COG6: variants seen among roughly 807,000 people sequenced by gnomAD.
COG6 encodes component of oligomeric golgi complex 6.
COG6 carries 74 observed loss-of-function variants against 88.8 expected under a neutral mutation model. The ratio of observed to expected loss-of-function variants is 0.83; its 90% CI spans 0.69 to 1.01. The LOEUF (loss-of-function observed/expected upper bound fraction) is 1.01. Among genes scored for constraint, COG6 ranks in the 50% least tolerant of loss-of-function variants. The probability of loss-of-function intolerance (pLI) is 0.00; values close to 1 mark genes in which losing one functional copy is unlikely to be tolerated. For missense variants in COG6, 800 were observed against 797.9 expected (o/e 1.00, Z -0.03); for synonymous variants, 286 against 278.7 (o/e 1.03, Z -0.26).
At chr13:39,679,845 A>T (rs765173704) in intron 6 of COG6, 130 bp from the exon 7 acceptor site, 1 of 687,314 alleles carries the variant, frequency 1.5e-6, no homozygotes, top group Non-Finnish European at 2.6e-6. Context: ...GTAGAAAATT[A>T]TTGAAAAATC....
At chr13:39,715,207 T>TA (rs1360941152) in intron 13 of COG6, among the ~76,000 whole-genome samples, 1 of 151,386 alleles carries the variant, frequency 6.6e-6, no homozygotes, top group Non-Finnish European at 1.5e-5. Context: ...TGTTAAAATT[T>TA]AAAAAAAAAT....
At chr13:39,678,213 A>G (rs917354098) in intron 5 of COG6, 14 of 336,850 alleles carry the variant, frequency 4.2e-5, no homozygotes. Context: ...GTATCCAGGC[A>G]TGCACCACCA....
rs576127849 is a variant in COG6, at chr13:39,668,335, G to A, written c.428+3181G>A. Among the ~76,000 whole-genome samples the A allele has an allele frequency of 8.5e-5, 13 of 152,112 alleles. No individual in the cohort carries two copies. In the East Asian group the frequency reaches 2.5e-3, roughly 29 times the overall value. ...CAGAGACTATAATTTGAAACACCTG[G>A]CCTTAGACAAAATATTACTTATATT... On this transcript the variant is annotated intron_variant, in intron 4 of 18. Transcript: ENST00000455146.
chr13:39,737,927 G>A (rs151026193), intron 18 of COG6, among the ~76,000 whole-genome samples: 4 of 152,208 alleles, frequency 2.6e-5, no homozygotes, highest in Non-Finnish European at 5.9e-5. Context: ...TTTCTGCTGT[G>A]ACAGGGCAGC....
intron 18 of COG6, among the ~76,000 whole-genome samples, chr13:39,771,144 A>C (rs982491690): frequency 6.6e-6 from 1 of 152,146 alleles, no homozygotes; most frequent in Non-Finnish European, 1.5e-5. Flanking sequence ...AAAGCCTGCC[A>C]CTGCTTAGGG....
In COG6 at chr13:39,752,148, A is replaced by C. The variant is rs1232146520; in HGVS notation, c.*1055A>C. On this transcript the variant is annotated 3_prime_UTR_variant, in exon 19 of 19. Transcript: ENST00000455146. Reference sequence around the variant, plus strand: ...TGCCTGATTTGACATTCTTGTCAGCAAAAAAAAACTTAATTTCTAGTAAAT... The same window carrying C: ...TGCCTGATTTGACATTCTTGTCAGCCAAAAAAAACTTAATTTCTAGTAAAT... The C allele has an allele frequency of 2.4e-6, 1 of 414,910 alleles. No individual in the cohort carries two copies. The highest frequency in any genetic ancestry group is 2.9e-6 in the Non-Finnish European group (1 of 340,716). 25.7% of individuals were successfully genotyped at this position (414,910 alleles called of 1,614,324 possible).
rs748334706 is a variant in COG6 at position 39,689,827 on chromosome 13, A to G, written c.1074+3A>G. 8.7e-6 allele frequency: 14 copies of G among 1,605,162 alleles called. No homozygotes were observed. The South Asian group carries it at 1.3e-4, about 15-fold the overall frequency. ...AAGGTGTGTGCAGGCCTCTAAAGGT[A>G]AAATATTTTGTTTTTACATATGCTA... On this transcript the variant is annotated splice_donor_region_variant and intron_variant, in intron 11 of 18. Transcript: ENST00000455146.
intron 18 of COG6, among the ~76,000 whole-genome samples, chr13:39,762,682 C>T (rs984315752): frequency 4.0e-5 from 6 of 150,560 alleles, no homozygotes; most frequent in African/African-American, 4.9e-5. Flanking sequence ...TATAATAGAT[C>T]GAGGCACCTT....
chr13:39,746,124 C>G (rs1000787610), intron 18 of COG6, among the ~76,000 whole-genome samples: 1 of 151,790 alleles, frequency 6.6e-6, no homozygotes, highest in Non-Finnish European at 1.5e-5. Context: ...GGAGAAATAC[C>G]TAATGTAAAT....
Position 39,724,453 on chromosome 13 carries a change from G to A in COG6, c.1693-55G>A. 6 of 1,322,720 alleles carry A rather than the reference G, an allele frequency of 4.5e-6. No individual in the cohort carries two copies. In the South Asian group the frequency reaches 5.0e-5, roughly 11 times the overall value. The allele number at this position is 1,322,720 out of a possible 1,614,324, so 81.9% of individuals were successfully genotyped here. A position where few individuals can be genotyped will look rare whatever the true frequency, so the allele number is the denominator to read the frequency against. ...CTATATTCAGTAAGTGAAATGAAAT[G>A]TATATCTCCTTTTTTACATCTTGGA... On this transcript the variant is annotated intron_variant, in intron 16 of 18. Coordinates refer to ENST00000455146, the MANE Select transcript of COG6 (RefSeq NM_020751.3).
chr13:39,788,592 A>T, exon 19 of COG6: 1 of 534,766 alleles, frequency 1.9e-6, no homozygotes, highest in Non-Finnish European at 3.3e-6. Flanking sequence ...GCACACACAC[A>T]GCATGTAGAG....
At chr13:39,790,936 G>A (rs940907430) in exon 19 of COG6, 10 of 151,890 alleles carry the variant, frequency 6.6e-5, no homozygotes, top group African/African-American at 2.2e-4. Context: ...ATTCTCTTGA[G>A]TTTTTCAGGT....
chr13:39,753,747 AC>A (rs756994278), downstream of COG6, among the ~76,000 whole-genome samples: 2 of 152,108 alleles, frequency 1.3e-5, no homozygotes, highest in Non-Finnish European at 2.9e-5. Context: ...TGCTTCAGCA[AC>A]AACTGGCCTC....
At chr13:39,718,037 C>T (rs1035335850) in intron 13 of COG6, among the ~76,000 whole-genome samples, 1 of 152,076 alleles carries the variant, frequency 6.6e-6, no homozygotes, top group African/African-American at 2.4e-5. Context: ...TTTCTTCAGT[C>T]TTTGAACGTA....
chr13:39,712,879 C>T (rs1878317891), intron 13 of COG6, among the ~76,000 whole-genome samples: 1 of 152,118 alleles, frequency 6.6e-6, no homozygotes, highest in African/African-American at 2.4e-5. Context: ...TGTCATGTGG[C>T]CAACGTCAGG....
chr13:39,665,468 C>CT (rs1055572709), intron 4 of COG6, among the ~76,000 whole-genome samples: 63 of 151,978 alleles, frequency 4.1e-4, no homozygotes, highest in African/African-American at 1.4e-3. Context: ...AGTTTTATTA[C>CT]TTTTTTTTCA....
intron 18 of COG6, among the ~76,000 whole-genome samples, chr13:39,781,858 C>A (rs1295751570): frequency 2.0e-5 from 3 of 152,158 alleles, no homozygotes; most frequent in African/African-American, 4.8e-5. Context: ...TAGAAATAAT[C>A]TAACAAATGA....
At chr13:39,736,357 T>G (rs1879744481) in intron 18 of COG6, among the ~76,000 whole-genome samples, 1 of 152,134 alleles carries the variant, frequency 6.6e-6, no homozygotes, top group African/African-American at 2.4e-5. Flanking sequence ...TGCCTGATTC[T>G]TTTTGACTAT....
intron 18 of COG6, among the ~76,000 whole-genome samples, chr13:39,728,696 G>A (rs932618951): frequency 6.6e-5 from 10 of 151,050 alleles, no homozygotes; most frequent in South Asian, 4.2e-4. Flanking sequence ...TTGAGACGGC[G>A]TCTTGCTCTT....
Sources: allele counts gnomAD v4.1 joint callset (sites outside exome capture counted in the v4.1 genomes callset), GRCh38; gene constraint gnomAD v4.1.1; transcripts MANE v1.5; gene names NCBI Gene and HGNC (gene_info 2026-07-23, HGNC 2026-07-21).